Variants in NUBPL observed in about 807,000 individuals in gnomAD.
NUBPL encodes the protein NUBP iron-sulfur cluster assembly factor, mitochondrial.
Under a neutral mutation model 45.7 loss-of-function variants are expected in NUBPL, and 31 were observed. The ratio of observed to expected loss-of-function variants is 0.68; its 90% CI spans 0.51 to 0.92. The LOEUF (loss-of-function observed/expected upper bound fraction) is 0.92, where lower values mean the gene tolerates loss of function less well. Among genes scored for constraint, NUBPL ranks in the 40% least tolerant of loss-of-function variants. NUBPL has a pLI of 0.00. For synonymous variants in NUBPL, 144 were observed against 140.9 expected (o/e 1.02, Z -0.15); for missense variants, 401 against 398.7 (o/e 1.01, Z -0.05).
intron 6 of NUBPL, among the ~76,000 whole-genome samples, chr14:31,735,634 A>G (rs1020027881): frequency 6.6e-6 from 1 of 151,868 alleles, no homozygotes; most frequent in Non-Finnish European, 1.5e-5. Context: ...CGGGCGAATC[A>G]CAAGGCCAGG....
intron 7 of NUBPL, among the ~76,000 whole-genome samples, chr14:31,788,588 G>A (rs1048247869): frequency 2.0e-5 from 3 of 152,178 alleles, no homozygotes; most frequent in Admixed American, 6.5e-5. Context: ...GGTTAAATCT[G>A]TACTTACTGT....
intron 4 of NUBPL, among the ~76,000 whole-genome samples, chr14:31,621,847 G>A (rs1356743896): frequency 6.6e-6 from 1 of 152,222 alleles, no homozygotes; most frequent in African/African-American, 2.4e-5. Flanking sequence ...TACCGGTAGA[G>A]TGGGGTACTC....
chr14:31,856,253 A>G (rs897331771), intron 10 of NUBPL, among the ~76,000 whole-genome samples: 4 of 152,002 alleles, frequency 2.6e-5, no homozygotes, highest in African/African-American at 4.8e-5. Flanking sequence ...ATTTTTTTTA[A>G]GCTATCAGAT....
intron 4 of NUBPL, among the ~76,000 whole-genome samples, chr14:31,617,469 A>T (rs2034937949): frequency 6.6e-6 from 1 of 152,154 alleles, no homozygotes; most frequent in Admixed American, 6.6e-5. Context: ...TAGTTTATTG[A>T]GAGTTTTTAG....
chr14:31,562,760 A>G (rs949433983), intron 2 of NUBPL: 1 of 150,980 alleles, frequency 6.6e-6, no homozygotes, highest in East Asian at 1.9e-4. Flanking sequence ...GCCCACCACC[A>G]CGCCCGGCTA....
At chr14:31,801,974 G>T (rs1490949065) in intron 7 of NUBPL, among the ~76,000 whole-genome samples, 2 of 152,202 alleles carry the variant, frequency 1.3e-5, no homozygotes, top group Non-Finnish European at 2.9e-5. Context: ...TGCCCTAACA[G>T]TTTGGTGTGA....
rs556510146 is a variant in NUBPL at position 31,561,994 on chromosome 14, T to G, written c.109-74T>G. ...GCCCTCTTAATTGCAAACCCCAGATTGTTTTTGCTTTTACAGTGTGATGAT... is the reference window on the plus strand; with the variant it reads ...GCCCTCTTAATTGCAAACCCCAGATGGTTTTTGCTTTTACAGTGTGATGAT... On this transcript the variant is annotated intron_variant, in intron 1 of 10. Transcript: ENST00000281081. The G allele has an allele frequency of 3.4e-6, 5 of 1,457,766 alleles. No homozygotes were observed. In the East Asian group the frequency reaches 1.2e-4, roughly 36 times the overall value. The allele number at this position is 1,457,766 out of a possible 1,614,324, so 90.3% of individuals were successfully genotyped here. A position where few individuals can be genotyped will look rare whatever the true frequency, so the allele number is the denominator to read the frequency against.
intron 6 of NUBPL, among the ~76,000 whole-genome samples, chr14:31,727,850 C>T (rs574469632): frequency 1.3e-5 from 2 of 152,234 alleles, no homozygotes; most frequent in Admixed American, 6.5e-5. Context: ...TTGTTTGTAA[C>T]ATATTTTACT....
At chr14:31,832,176 T>G (rs569619011) in intron 8 of NUBPL, among the ~76,000 whole-genome samples, 1 of 152,194 alleles carries the variant, frequency 6.6e-6, no homozygotes, top group East Asian at 1.9e-4. Flanking sequence ...AGTGGCCTTC[T>G]TCCATGTAGT....
chr14:31,569,511 A>G (rs1330028430), intron 3 of NUBPL, among the ~76,000 whole-genome samples: 1 of 152,128 alleles, frequency 6.6e-6, no homozygotes, highest in Non-Finnish European at 1.5e-5. Flanking sequence ...TTGAGGTTTT[A>G]AAAGCATTAT....
intron 4 of NUBPL, among the ~76,000 whole-genome samples, chr14:31,637,769 G>T (rs1416528826): frequency 1.3e-5 from 2 of 152,158 alleles, no homozygotes; most frequent in African/African-American, 4.8e-5. Flanking sequence ...GAATCTGGGT[G>T]CTCCTGTATT....
chr14:31,855,474 C>T (rs1278269196), intron 10 of NUBPL, among the ~76,000 whole-genome samples: 1 of 152,154 alleles, frequency 6.6e-6, no homozygotes, highest in Non-Finnish European at 1.5e-5. Flanking sequence ...AGCCTGACTT[C>T]ATGACCTTGA....
intron 3 of NUBPL, among the ~76,000 whole-genome samples, chr14:31,594,052 T>C (rs1338051284): frequency 6.6e-6 from 1 of 152,180 alleles, no homozygotes; most frequent in Middle Eastern, 3.2e-3. Context: ...TAGTTTCTTT[T>C]ATCACTAAAA....
intron 3 of NUBPL, among the ~76,000 whole-genome samples, chr14:31,583,959 T>C (rs1292490222): frequency 6.6e-6 from 1 of 152,204 alleles, no homozygotes; most frequent in Non-Finnish European, 1.5e-5. Context: ...ATGCATATTT[T>C]CAAGTTTGGT....
At chr14:31,770,591 A>C (rs2038991651) in intron 6 of NUBPL, among the ~76,000 whole-genome samples, 1 of 152,202 alleles carries the variant, frequency 6.6e-6, no homozygotes, top group African/African-American at 2.4e-5. Context: ...ACTGCTTATC[A>C]TTTACGCCTA....
chr14:31,779,606 C>A (rs1202651831), intron 6 of NUBPL, among the ~76,000 whole-genome samples: 1 of 152,132 alleles, frequency 6.6e-6, no homozygotes, highest in Non-Finnish European at 1.5e-5. Context: ...TGAATGTCCT[C>A]AGAGCATCCC....
chr14:31,834,178 C>CTTTTTTTTTTTTTTTT (rs34255943), intron 8 of NUBPL, among the ~76,000 whole-genome samples: 1 of 107,018 alleles, frequency 9.3e-6, no homozygotes, highest in Non-Finnish European at 1.8e-5. Context: ...TGGCCTGGAA[C>CTTTTTTTTTTTTTTTT]TTTTTTTTTT....
In NUBPL at chr14:31,639,654, G is replaced by C. The variant is rs184003566; in HGVS notation, c.383-33701G>C. 1.4e-3 allele frequency among the ~76,000 whole-genome samples: 217 copies of C among 152,318 alleles called. 3 individuals carry two copies. The highest frequency in any genetic ancestry group is 1.8e-3 in the Non-Finnish European group (120 of 68,028). On this transcript the variant is annotated intron_variant, in intron 4 of 10. Coordinates refer to ENST00000281081, the MANE Select transcript of NUBPL (RefSeq NM_025152.3). ...ATTTAAGTCTGCAGACGTTACTGCT[G>C]TCTTTTTGTTTGTCTGTGCCCTACC...
At chr14:31,800,677 A>G (rs1255609078) in intron 7 of NUBPL, among the ~76,000 whole-genome samples, 1 of 152,316 alleles carries the variant, frequency 6.6e-6, no homozygotes, top group Middle Eastern at 3.4e-3. Context: ...ATTAAAAAAG[A>G]ACTTCTTACT....
Sources: allele counts gnomAD v4.1 joint callset (sites outside exome capture counted in the v4.1 genomes callset), GRCh38; gene constraint gnomAD v4.1.1; transcripts MANE v1.5; gene names NCBI Gene and HGNC (gene_info 2026-07-23, HGNC 2026-07-21).